Variants in ADCYAP1R1 observed in about 807,000 individuals in gnomAD.
ADCYAP1R1 encodes ADCYAP receptor type I, also known as pituitary adenylate cyclase-activating polypeptide type I receptor.
Under a neutral mutation model 67.6 loss-of-function variants are expected in ADCYAP1R1, and 44 were observed. The ratio of observed to expected loss-of-function variants is 0.65; its 90% CI spans 0.51 to 0.84. The LOEUF is 0.84. ADCYAP1R1 is among the 40% of genes least tolerant of loss of function. The pLI is 0.00. For synonymous variants in ADCYAP1R1, 222 were observed against 219.6 expected, an observed-to-expected ratio of 1.01 and a Z score of -0.10; for missense variants, 477 against 587.9, an observed-to-expected ratio of 0.81 and a Z score of 1.95.
chr7:31,109,550 G>C lies in ADCYAP1R1; in HGVS notation c.*2866G>C, dbSNP rs1796775831. The C allele has an allele frequency of 6.6e-6, 1 of 152,194 alleles. No homozygotes were observed. The highest frequency in any genetic ancestry group is 1.5e-5 in the Non-Finnish European group (1 of 68,060). The allele number at this position is 152,194 out of a possible 1,614,324, so 9.4% of individuals were successfully genotyped here. A position where few individuals can be genotyped will look rare whatever the true frequency, so the allele number is the denominator to read the frequency against. ...GAAAAGTGGGGCTGGGGAGAAGCAG[G>C]CTTGTCAGACTCCACCCCTGTTGAT... On this transcript the variant is annotated 3_prime_UTR_variant, in exon 16 of 16. Coordinates refer to ENST00000304166, the MANE Select transcript of ADCYAP1R1 (RefSeq NM_001118.5).
chr7:31,052,491 C>A lies in ADCYAP1R1; in HGVS notation c.-259C>A, dbSNP rs1794051812. 1 of 150,068 alleles carries A rather than the reference C, an allele frequency of 6.7e-6. No homozygotes were observed. The highest frequency in any genetic ancestry group is 6.6e-5 in the Admixed American group (1 of 15,086). 9.3% of individuals were successfully genotyped at this position (150,068 alleles called of 1,614,324 possible). ...CGTGGTCCCCGCGTGCGCACACGCA[C>A]ACGCCGCCGCGCAGGGACACACGGA... On this transcript the variant is annotated 5_prime_UTR_variant, in exon 1 of 16. Transcript: ENST00000304166.
At chr7:31,096,806 C>A (rs1042095782) in intron 13 of ADCYAP1R1, among the ~76,000 whole-genome samples, 4 of 150,970 alleles carry the variant, frequency 2.6e-5, no homozygotes, top group African/African-American at 9.8e-5. Flanking sequence ...TCAGGAGAGA[C>A]CCTATGGAGT....
At chr7:31,072,396 C>T (rs1795028591) in intron 3 of ADCYAP1R1, among the ~76,000 whole-genome samples, 1 of 152,156 alleles carries the variant, frequency 6.6e-6, no homozygotes, top group Non-Finnish European at 1.5e-5. Context: ...CATTGGCGTG[C>T]CCTCAGTCAT....
At position 31,104,941 on chromosome 7, in the gene ADCYAP1R1, T is replaced by G. The variant is rs762141112; in HGVS notation, c.1218+32T>G. 3 of 1,612,568 alleles carry G rather than the reference T, an allele frequency of 1.9e-6. No homozygotes were observed. The South Asian group carries it at 3.3e-5, about 18-fold the overall frequency. On this transcript the variant is annotated intron_variant, in intron 15 of 15. Coordinates refer to ENST00000304166, the MANE Select transcript of ADCYAP1R1 (RefSeq NM_001118.5). ...CCTTGGCCCTCTGGCTTCTTGGCAGTGGAAGTGGGGCTTTCTGGGGAGCAG... is the reference window on the plus strand; with the variant it reads ...CCTTGGCCCTCTGGCTTCTTGGCAGGGGAAGTGGGGCTTTCTGGGGAGCAG...
At chr7:31,089,299 A>C (rs926971219) in intron 12 of ADCYAP1R1, among the ~76,000 whole-genome samples, 1 of 151,992 alleles carries the variant, frequency 6.6e-6, no homozygotes, top group Non-Finnish European at 1.5e-5. Flanking sequence ...AATGAAAATA[A>C]ATTTTGCTCT....
intron 4 of ADCYAP1R1, 40 bp downstream of exon 4, chr7:31,078,138 C>G (rs758341880): frequency 8.0e-6 from 12 of 1,505,708 alleles, no homozygotes; most frequent in East Asian, 2.3e-5. Context: ...GCTGGCCTAG[C>G]CTGCTCCCCA....
intron 3 of ADCYAP1R1, among the ~76,000 whole-genome samples, chr7:31,075,585 G>C (rs1298393711): frequency 1.3e-5 from 2 of 152,086 alleles, no homozygotes; most frequent in Non-Finnish European, 2.9e-5. Context: ...CTCACTTTAT[G>C]TCCCTTCTCA....
intron 9 of ADCYAP1R1, 31 bp downstream of exon 9, chr7:31,085,473 C>G (rs1334585795): frequency 6.2e-7 from 1 of 1,604,034 alleles, no homozygotes; most frequent in African/African-American, 1.3e-5. Context: ...CATTAGGGCT[C>G]TGCCGGGAAG....
Position 31,106,755 on chromosome 7 carries a change from G to A in ADCYAP1R1, c.*71G>A. 1 of 1,469,650 alleles carries A rather than the reference G, an allele frequency of 6.8e-7. No homozygotes were observed. Among genetic ancestry groups the A allele is most frequent in the South Asian group, 1.4e-5 (1 of 70,704 alleles). The allele number at this position is 1,469,650 out of a possible 1,614,324, so 91.0% of individuals were successfully genotyped here. A position where few individuals can be genotyped will look rare whatever the true frequency, so the allele number is the denominator to read the frequency against. On this transcript the variant is annotated 3_prime_UTR_variant, in exon 16 of 16. Coordinates refer to ENST00000304166, the MANE Select transcript of ADCYAP1R1 (RefSeq NM_001118.5). ...CGCAGGCAGGTGCCAGCCCACGCAT[G>A]TTTGCGCCTCTTCCCTCCCCTTGGG...
At chr7:31,078,323 G>A (rs894692458) in intron 4 of ADCYAP1R1, among the ~76,000 whole-genome samples, 2 of 152,116 alleles carry the variant, frequency 1.3e-5, no homozygotes, top group African/African-American at 2.4e-5. Context: ...GCCCTCACGC[G>A]TGGGATCCAT....
chr7:31,085,256 G>A lies in ADCYAP1R1; in HGVS notation c.537-54G>A, dbSNP rs187347156. 32 of 1,583,418 alleles carry A rather than the reference G, an allele frequency of 2.0e-5. No homozygotes were observed. The African/African-American group carries it at 3.1e-4, about 15-fold the overall frequency. On this transcript the variant is annotated intron_variant, in intron 8 of 15. Transcript: ENST00000304166. ...CCCACCACAGATGCCCACATGGAGG[G>A]TGTGAAATGCTGTGGGGTCCAAGGC...
intron 3 of ADCYAP1R1, among the ~76,000 whole-genome samples, 174 bp downstream of exon 3, chr7:31,065,110 C>T: frequency 6.6e-6 from 1 of 152,182 alleles, no homozygotes; most frequent in African/African-American, 2.4e-5. Context: ...TGGGGTTGCT[C>T]TCCTCAAGGC....
intron 4 of ADCYAP1R1, 38 bp downstream of exon 4, chr7:31,078,136 A>G (rs752786754): frequency 3.3e-6 from 5 of 1,531,996 alleles, no homozygotes; most frequent in Non-Finnish European, 4.4e-6. Context: ...ACGCTGGCCT[A>G]GCCTGCTCCC....
intron 8 of ADCYAP1R1, among the ~76,000 whole-genome samples, 182 bp downstream of exon 8, chr7:31,085,016 G>T (rs1025969933): frequency 2.0e-5 from 3 of 152,238 alleles, no homozygotes; most frequent in African/African-American, 7.2e-5. Flanking sequence ...CTTGTCCAGG[G>T]CTATGCAGCC....
chr7:31,092,778 G>A (rs767931616), intron 13 of ADCYAP1R1, 43 bp downstream of exon 13: 98 of 1,481,138 alleles, frequency 6.6e-5, no homozygotes, highest in Non-Finnish European at 7.8e-5. Context: ...TCTGACAGCC[G>A]AGCGGGCCCT....
At chr7:31,065,479 C>T (rs1468892050) in intron 3 of ADCYAP1R1, among the ~76,000 whole-genome samples, 2 of 152,226 alleles carry the variant, frequency 1.3e-5, no homozygotes, top group Non-Finnish European at 2.9e-5. Context: ...AGGAAGCACA[C>T]ATTGCAGGAC....
chr7:31,067,416 A>C (rs1448319001), intron 3 of ADCYAP1R1, among the ~76,000 whole-genome samples: 1 of 149,612 alleles, frequency 6.7e-6, no homozygotes, highest in Non-Finnish European at 1.5e-5. Context: ...TCTCTTTTAA[A>C]ATGAGTGGAG....
At chr7:31,095,090 T>C (rs758299851) in intron 13 of ADCYAP1R1, among the ~76,000 whole-genome samples, 2 of 152,124 alleles carry the variant, frequency 1.3e-5, no homozygotes, top group Non-Finnish European at 2.9e-5. Flanking sequence ...AGTAATCCAA[T>C]TGACCACACT....
intron 3 of ADCYAP1R1, among the ~76,000 whole-genome samples, chr7:31,076,831 G>A (rs1795247883): frequency 6.6e-6 from 1 of 152,148 alleles, no homozygotes; most frequent in African/African-American, 2.4e-5. Flanking sequence ...CTGAGGGGGT[G>A]GATCTGAAGT....
Sources: gnomAD v4.1 joint callset for allele counts (sites outside exome capture counted in the v4.1 genomes callset) on GRCh38, gnomAD v4.1.1 for gene constraint, MANE v1.5 for transcripts, NCBI Gene and HGNC (gene_info 2026-07-23, HGNC 2026-07-21) for gene names.